Variants in ENPP6 observed in about 807,000 individuals in gnomAD.
The protein encoded by ENPP6 is ectonucleotide pyrophosphatase/phosphodiesterase 6.
In ENPP6, 32 loss-of-function variants were observed where a neutral mutation model predicts 42.0. The ratio of observed to expected loss-of-function variants is 0.76; its 90% confidence interval spans 0.58 to 1.02. ENPP6 has a LOEUF of 1.02. ENPP6 is among the 50% of genes least tolerant of loss of function. The pLI is 0.00. For missense variants in ENPP6, 552 were observed against 566.8 expected (o/e 0.97, Z 0.27); for synonymous variants, 213 against 216.0 (o/e 0.99, Z 0.12).
Position 184,210,059 on chromosome 4 carries a change from C to T in ENPP6, c.241+7520G>A, listed in dbSNP as rs914129088. Among the ~76,000 whole-genome samples the T allele has an allele frequency of 3.7e-4, 56 of 151,142 alleles. 1 individual carries two copies. The highest frequency in any genetic ancestry group is 1.3e-3 in the African/African-American group (53 of 40,762). On this transcript the variant is annotated intron_variant, in intron 1 of 7. Transcript: ENST00000296741. ...GCTGAGAGATTTTGTCACCACCAGGCCTGTCCTAAAAGAGCTCCTGAAGGA... is the reference window on the plus strand; with the variant it reads ...GCTGAGAGATTTTGTCACCACCAGGTCTGTCCTAAAAGAGCTCCTGAAGGA...
intron 2 of ENPP6, among the ~76,000 whole-genome samples, chr4:184,137,427 TTC>T (rs1736748174): frequency 6.6e-6 from 1 of 152,244 alleles, no homozygotes; most frequent in Admixed American, 6.5e-5. Context: ...TCTGCTTTTT[TTC>T]TCTCTCTTGG....
At chr4:184,200,720 A>G (rs1732881261) in intron 1 of ENPP6, among the ~76,000 whole-genome samples, 1 of 152,140 alleles carries the variant, frequency 6.6e-6, no homozygotes, top group South Asian at 2.1e-4. Context: ...CCCTGTGCAG[A>G]TAATCGGCTG....
intron 1 of ENPP6, among the ~76,000 whole-genome samples, chr4:184,179,389 AC>A: frequency 6.6e-6 from 1 of 152,218 alleles, no homozygotes; most frequent in East Asian, 1.9e-4. Context: ...GTTTTTAGAG[AC>A]CTATAAAGAG....
intron 6 of ENPP6, among the ~76,000 whole-genome samples, chr4:184,106,505 G>A (rs185140179): frequency 4.7e-4 from 71 of 152,102 alleles, no homozygotes; most frequent in African/African-American, 1.6e-3. Context: ...CCTGGCTCAG[G>A]TTCTTCAAGA....
intron 1 of ENPP6, among the ~76,000 whole-genome samples, chr4:184,214,316 C>T (rs1221216001): frequency 6.6e-6 from 1 of 151,982 alleles, no homozygotes; most frequent in Non-Finnish European, 1.5e-5. Context: ...TCATGATTGG[C>T]ATTTTGGTTG....
chr4:184,125,135 TG>T (rs1736481797), intron 2 of ENPP6, among the ~76,000 whole-genome samples: 1 of 152,044 alleles, frequency 6.6e-6, no homozygotes, highest in South Asian at 2.1e-4. Context: ...CACAGGAAAG[TG>T]TGTGGTATGT....
At chr4:184,144,328 GA>G (rs1461822963) in intron 2 of ENPP6, among the ~76,000 whole-genome samples, 1 of 152,174 alleles carries the variant, frequency 6.6e-6, no homozygotes, top group Non-Finnish European at 1.5e-5. Flanking sequence ...GCACAGCTGG[GA>G]AGGCCAGCAG....
At chr4:184,123,788 C>T (rs983140977) in intron 3 of ENPP6, among the ~76,000 whole-genome samples, 2 of 152,204 alleles carry the variant, frequency 1.3e-5, no homozygotes, top group African/African-American at 4.8e-5. Context: ...TTTTCCCAAA[C>T]TTATTTGACC....
chr4:184,155,571 A>G (rs1263082141), intron 1 of ENPP6, among the ~76,000 whole-genome samples: 2 of 152,156 alleles, frequency 1.3e-5, no homozygotes, highest in Non-Finnish European at 2.9e-5. Context: ...CTCTGAATGA[A>G]TCATCAGGAA....
intron 1 of ENPP6, among the ~76,000 whole-genome samples, chr4:184,177,311 C>G (rs1464520617): frequency 6.6e-6 from 1 of 152,204 alleles, no homozygotes; most frequent in Admixed American, 6.5e-5. Context: ...TGGGGCCTCC[C>G]CGCAGGAATT....
intron 7 of ENPP6, among the ~76,000 whole-genome samples, chr4:184,095,247 G>A (rs766644441): frequency 6.6e-6 from 1 of 152,170 alleles, no homozygotes; most frequent in Non-Finnish European, 1.5e-5. Flanking sequence ...AACCTGTGAT[G>A]GAGGCCTCTG....
intron 6 of ENPP6, among the ~76,000 whole-genome samples, chr4:184,100,209 G>A (rs2111331279): frequency 6.6e-6 from 1 of 152,352 alleles, no homozygotes; most frequent in Middle Eastern, 3.4e-3. Flanking sequence ...GTAACTGTGT[G>A]GTGTAAGTGA....
chr4:184,168,040 G>A (rs186010416), intron 1 of ENPP6, among the ~76,000 whole-genome samples: 12 of 152,214 alleles, frequency 7.9e-5, no homozygotes, highest in African/African-American at 2.6e-4. Context: ...AAAACAGAAG[G>A]AACAGGTAGG....
intron 1 of ENPP6, among the ~76,000 whole-genome samples, chr4:184,194,067 C>T (rs978748579): frequency 7.9e-5 from 12 of 152,284 alleles, no homozygotes; most frequent in African/African-American, 2.6e-4. Context: ...TTCTTCCACA[C>T]TGTGCCCACT....
chr4:184,108,264 G>C (rs1198026163), intron 6 of ENPP6, among the ~76,000 whole-genome samples: 1 of 152,218 alleles, frequency 6.6e-6, no homozygotes, highest in Non-Finnish European at 1.5e-5. Flanking sequence ...CTCAGACCCA[G>C]AGAGGCTGCT....
At chr4:184,117,685 A>ACTGCTGTGACTGT in intron 4 of ENPP6, 74 bp downstream of exon 4, 5 of 1,583,512 alleles carry the variant, frequency 3.2e-6, no homozygotes, top group Non-Finnish European at 4.3e-6. Flanking sequence ...AGATGTTGAC[A>ACTGCTGTGACTGT]GGAGTGACTG....
intron 2 of ENPP6, among the ~76,000 whole-genome samples, chr4:184,150,758 T>C (rs1403280787): frequency 6.6e-6 from 1 of 152,230 alleles, no homozygotes; most frequent in Non-Finnish European, 1.5e-5. Flanking sequence ...TCTATATCTA[T>C]GAAGACTTCA....
intron 1 of ENPP6, among the ~76,000 whole-genome samples, chr4:184,206,530 A>C (rs1474252192): frequency 1.3e-5 from 2 of 151,888 alleles, no homozygotes; most frequent in Admixed American, 6.6e-5. Context: ...TGCTGGGATT[A>C]CAGGCGTGAG....
intron 1 of ENPP6, among the ~76,000 whole-genome samples, chr4:184,192,107 TG>T (rs1438379814): frequency 6.6e-6 from 1 of 152,230 alleles, no homozygotes; most frequent in African/African-American, 2.4e-5. Context: ...CAGCTGGCTT[TG>T]GCAAAAGTTG....
Sources: gnomAD v4.1 joint callset for allele counts (sites outside exome capture counted in the v4.1 genomes callset) on GRCh38, gnomAD v4.1.1 for gene constraint, MANE v1.5 for transcripts, NCBI Gene and HGNC (gene_info 2026-07-23, HGNC 2026-07-21) for gene names.